The following PTPRF variants were observed in gnomAD, a reference collection of about 807,000 sequenced individuals.
The protein encoded by PTPRF is receptor-type tyrosine-protein phosphatase F.
In PTPRF, 59 loss-of-function variants were observed where a neutral mutation model predicts 201.8. The observed-to-expected ratio is 0.29, with a 90% CI of 0.24 to 0.36. The LOEUF (loss-of-function observed/expected upper bound fraction) is 0.36. Ranked by LOEUF, PTPRF falls within the 10% of genes least tolerant of loss-of-function variation. The pLI is 1.00. For missense variants in PTPRF, 2,132 were observed against 2,690.5 expected (o/e 0.79, Z 4.59); for synonymous variants, 1,088 against 1,089.7 (o/e 1.00, Z 0.03).
upstream of PTPRF, among the ~76,000 whole-genome samples, chr1:43,527,532 A>G: frequency 6.6e-6 from 1 of 152,146 alleles, no homozygotes; most frequent in East Asian, 1.9e-4. Context: ...CTCGACAAAC[A>G]CTTTGCCACA....
At chr1:43,533,079 A>G (rs1439954013) in intron 1 of PTPRF, among the ~76,000 whole-genome samples, 1 of 152,046 alleles carries the variant, frequency 6.6e-6, no homozygotes, top group East Asian at 1.9e-4. Flanking sequence ...AAATGTCTTT[A>G]TAGTGTTTTT....
In PTPRF at chr1:43,603,363, C is replaced by T; in HGVS notation, c.2341-53C>T. 2 of 1,527,142 alleles carry T rather than the reference C, an allele frequency of 1.3e-6. No individual in the cohort carries two copies. Among genetic ancestry groups the T allele is most frequent in the Non-Finnish European group, 1.8e-6 (2 of 1,101,128 alleles). 94.6% of individuals were successfully genotyped at this position (1,527,142 alleles called of 1,614,324 possible). On this transcript the variant is annotated intron_variant, in intron 14 of 33. Transcript: ENST00000359947. The surrounding 1 kb of genome is among the most constrained non-coding windows in gnomAD (Gnocchi z 5.8). Reference sequence around the variant, plus strand: ...AGGGTCCTGAGGTCCCTGACAAGGTCTGGCCTCTCCCTGCATTCTTGTGAT... The same window carrying T: ...AGGGTCCTGAGGTCCCTGACAAGGTTTGGCCTCTCCCTGCATTCTTGTGAT...
upstream of PTPRF, among the ~76,000 whole-genome samples, chr1:43,522,157 A>T (rs1642973669): frequency 6.6e-6 from 1 of 151,962 alleles, no homozygotes; most frequent in South Asian, 2.1e-4. Flanking sequence ...TCCCCCAGGA[A>T]CCCTTGCTTA....
intron 24 of PTPRF, 37 bp downstream of exon 24, chr1:43,617,605 T>A: frequency 6.2e-7 from 1 of 1,612,184 alleles, no homozygotes; most frequent in East Asian, 2.2e-5. Context: ...CCCCTTGCTC[T>A]CCCCCTTGCT....
chr1:43,580,262 G>A (rs188524257), intron 7 of PTPRF, among the ~76,000 whole-genome samples: 30 of 152,300 alleles, frequency 2.0e-4, no homozygotes, highest in African/African-American at 7.2e-4. Context: ...GGTCAGACTT[G>A]CTTACTCAGA....
chr1:43,615,997 G>A (rs1188387972), intron 23 of PTPRF, among the ~76,000 whole-genome samples: 2 of 152,130 alleles, frequency 1.3e-5, no homozygotes, highest in African/African-American at 2.4e-5. Context: ...CAGATAATCA[G>A]CATTGAATAT....
At position 43,622,583 on chromosome 1, in the gene PTPRF, G is replaced by T. The variant is rs1159005392; in HGVS notation, c.*580G>T. On this transcript the variant is annotated 3_prime_UTR_variant, in exon 34 of 34. Transcript: ENST00000359947. Reference sequence around the variant, plus strand: ...CGGCCGTGGGCCGGGAGGCAGTGCTGATCCGGCTGCTCCTCCAGCCCTTCA... The same window carrying T: ...CGGCCGTGGGCCGGGAGGCAGTGCTTATCCGGCTGCTCCTCCAGCCCTTCA... The T allele has an allele frequency of 6.6e-6, 1 of 152,526 alleles. No homozygotes were observed. The highest frequency in any genetic ancestry group is 2.4e-5 in the African/African-American group (1 of 41,464). The allele number at this position is 152,526 out of a possible 1,614,324, so 9.4% of individuals were successfully genotyped here.
At chr1:43,598,137 A>G in intron 12 of PTPRF, 84 bp downstream of exon 12, 1 of 1,321,784 alleles carries the variant, frequency 7.6e-7, no homozygotes, top group Non-Finnish European at 1.0e-6. Flanking sequence ...CCTTTCCTGA[A>G]CACAGGCCCA....
chr1:43,614,282 C>T (rs76882909), intron 23 of PTPRF, among the ~76,000 whole-genome samples: 1 of 152,254 alleles, frequency 6.6e-6, no homozygotes, highest in Non-Finnish European at 1.5e-5. Context: ...GCCTGCTGCC[C>T]TGTGCTCTGC....
chr1:43,616,522 T>G, intron 23 of PTPRF, among the ~76,000 whole-genome samples: 2 of 150,730 alleles, frequency 1.3e-5, no homozygotes, highest in African/African-American at 4.9e-5. Flanking sequence ...GGCAGCAGGT[T>G]GGAGAGAGCT....
intron 7 of PTPRF, chr1:43,579,202 A>G (rs1364581735): frequency 4.8e-6 from 3 of 631,108 alleles, no homozygotes; most frequent in Non-Finnish European, 9.1e-6. Context: ...CCGGAGCCCC[A>G]TGGGAATTTG....
chr1:43,579,379 G>C, intron 7 of PTPRF: 1 of 372,448 alleles, frequency 2.7e-6, no homozygotes, highest in Non-Finnish European at 5.4e-6. Context: ...TGGGCTTTGG[G>C]GTAGTAAGGC....
upstream of PTPRF, among the ~76,000 whole-genome samples, chr1:43,526,473 G>A (rs1467106077): frequency 1.3e-5 from 2 of 152,098 alleles, no homozygotes; most frequent in East Asian, 3.9e-4. Flanking sequence ...CATTAGTCAA[G>A]CTTTTGTGTT....
At chr1:43,620,344 A>G (rs1448282072) in intron 30 of PTPRF, 110 bp from the exon 31 acceptor site, 4 of 1,527,612 alleles carry the variant, frequency 2.6e-6, no homozygotes, top group Admixed American at 1.9e-5. Context: ...GCATGGCCTC[A>G]GGCGCCCGTT....
At chr1:43,575,807 C>A in intron 6 of PTPRF, 1 of 1,097,674 alleles carries the variant, frequency 9.1e-7, no homozygotes, top group Admixed American at 2.3e-5. Flanking sequence ...ATTTAAGGCC[C>A]TTTCTTGTGT....
At chr1:43,606,213 C>G in intron 19 of PTPRF, 27 bp from the exon 20 acceptor site, 1 of 1,598,808 alleles carries the variant, frequency 6.3e-7, no homozygotes, top group Non-Finnish European at 8.5e-7. Context: ...CAAGGCCCCT[C>G]ATGACCCCCA....
intron 21 of PTPRF, 120 bp from the exon 22 acceptor site, chr1:43,609,263 G>A (rs1256121698): frequency 1.5e-5 from 11 of 735,350 alleles, no homozygotes; most frequent in Admixed American, 2.4e-5. Context: ...CCTGGGAAGA[G>A]GTGGGGCAGT....
chr1:43,612,556 A>C (rs1009932894), intron 22 of PTPRF, among the ~76,000 whole-genome samples: 1 of 152,142 alleles, frequency 6.6e-6, no homozygotes, highest in African/African-American at 2.4e-5. Context: ...TGGGACACCC[A>C]GTCTGTATTA....
intron 5 of PTPRF, among the ~76,000 whole-genome samples, chr1:43,568,460 A>G (rs1198930786): frequency 2.0e-5 from 3 of 152,160 alleles, no homozygotes; most frequent in Non-Finnish European, 2.9e-5. Flanking sequence ...CTGGGAGTGA[A>G]TTCCGCATCA....
Sources: allele counts gnomAD v4.1 joint callset (sites outside exome capture counted in the v4.1 genomes callset), GRCh38; gene constraint gnomAD v4.1.1; non-coding constraint Gnocchi (gnomAD v3.1); transcripts MANE v1.5; gene names NCBI Gene and HGNC (gene_info 2026-07-23, HGNC 2026-07-21).